NHS: variants seen among roughly 807,000 people sequenced by gnomAD.
NHS encodes NHS actin remodeling regulator.
In NHS, 5 loss-of-function variants were observed where a neutral mutation model predicts 72.5. The ratio of observed to expected loss-of-function variants is 0.07; its 90% CI spans 0.04 to 0.14. NHS has a LOEUF of 0.14. Ranked by LOEUF, NHS falls within the 10% of genes least tolerant of loss-of-function variation. The pLI, the probability that NHS is intolerant of heterozygous loss-of-function variation, is 1.00. For synonymous variants in NHS, 464 were observed against 547.7 expected (o/e 0.85, Z 2.13); for missense variants, 1,072 against 1,355.7 (o/e 0.79, Z 3.29).
intron 1 of NHS, among the ~76,000 whole-genome samples, chrX:17,467,561 A>G (rs2064875736): frequency 8.9e-6 from 1 of 112,228 alleles, no homozygotes; most frequent in Non-Finnish European, 1.9e-5. Flanking sequence ...AATTTTGCCA[A>G]TTATAATTGA....
chrX:17,485,249 G>A (rs1375324746), intron 1 of NHS, among the ~76,000 whole-genome samples: 1 of 112,211 alleles, frequency 8.9e-6, no homozygotes, highest in East Asian at 2.8e-4. Flanking sequence ...TACAAACTAA[G>A]CGAGTATTAG....
intron 1 of NHS, among the ~76,000 whole-genome samples, chrX:17,408,319 A>C (rs891047515): frequency 1.8e-5 from 2 of 111,523 alleles, no homozygotes; most frequent in Non-Finnish European, 3.8e-5. Context: ...CAGTATATGC[A>C]CCTCTATAAA....
intron 1 of NHS, among the ~76,000 whole-genome samples, chrX:17,514,970 C>T (rs1222091379): frequency 8.9e-6 from 1 of 111,752 alleles, no homozygotes; most frequent in Non-Finnish European, 1.9e-5. Context: ...TGATCACTGA[C>T]TCCTTGAAAG....
rs773347582 is a variant in NHS, at chrX:17,726,788, C to T, written c.2682C>T (p.Phe894=). The change falls in exon 7 of 9, where the codon TTC becomes TTT. Residue 894 remains phenylalanine, a synonymous_variant. Transcript: ENST00000676302. The part of the protein sequence containing the change: ...SSREMKLPLD[F]ANTPSRMENA... ...GGGAAATGAAGCTGCCTCTTGATTT[C>T]GCCAACACGCCTTCTCGAATGGAAA... 28 of 1,210,227 alleles carry T rather than the reference C, an allele frequency of 2.3e-5. No individual in the cohort carries two copies. Among genetic ancestry groups the T allele is most frequent in the Admixed American group, 2.2e-4 (10 of 45,804 alleles).
intron 1 of NHS, among the ~76,000 whole-genome samples, chrX:17,505,561 C>T (rs2065053438): frequency 9.0e-6 from 1 of 110,879 alleles, no homozygotes; most frequent in Non-Finnish European, 1.9e-5. Context: ...TTGTGATTTA[C>T]TTTACAGAAT....
Position 17,727,317 on chromosome X carries a change from G to A in NHS, c.3211G>A (p.Gly1071Arg). The A allele has an allele frequency of 4.1e-6, 5 of 1,211,498 alleles. No homozygotes were observed. The highest frequency in any genetic ancestry group is 5.6e-6 in the Non-Finnish European group (5 of 895,189). ...SSLQQPSLKD[G>R]TISLSKDLEL... ...ACTACAGCAACCCTCTTTAAAAGAT[G>A]GAACTATATCACTGAGTAAAGACCT... Residue 1071 changes from glycine (G) to arginine (R), a missense_variant, in exon 7 of 9, where the codon GGA becomes AGA. Transcript: ENST00000676302.
chrX:17,688,391 CT>C (rs1234887314), intron 2 of NHS, among the ~76,000 whole-genome samples: 1 of 112,117 alleles, frequency 8.9e-6, no homozygotes, highest in African/African-American at 3.2e-5. Context: ...GGTTTTTCCC[CT>C]ATAAGAGATT....
chrX:17,474,758 G>A (rs1271492112), intron 1 of NHS, among the ~76,000 whole-genome samples: 1 of 111,820 alleles, frequency 8.9e-6, no homozygotes, highest in African/African-American at 3.3e-5. Context: ...GGAAAAAGCT[G>A]TGAGCCCTCA....
At chrX:17,521,005 G>T (rs984337328) in intron 1 of NHS, among the ~76,000 whole-genome samples, 1 of 111,444 alleles carries the variant, frequency 9.0e-6, no homozygotes, top group African/African-American at 3.3e-5. Flanking sequence ...TGGCTCGCAC[G>T]CACAGTACAG....
intron 1 of NHS, among the ~76,000 whole-genome samples, chrX:17,606,318 C>T (rs746546497): frequency 8.9e-6 from 1 of 111,925 alleles, no homozygotes; most frequent in Non-Finnish European, 1.9e-5. Context: ...GAAGCAGTGA[C>T]CTACAGTGGT....
intron 1 of NHS, among the ~76,000 whole-genome samples, chrX:17,491,818 T>C (rs1474753314): frequency 9.3e-6 from 1 of 107,296 alleles, no homozygotes; most frequent in Non-Finnish European, 1.9e-5. Context: ...AACTTGTTAT[T>C]GTTCTATTCA....
chrX:17,476,051 G>A (rs1024738058), intron 1 of NHS, among the ~76,000 whole-genome samples: 2 of 112,026 alleles, frequency 1.8e-5, no homozygotes, highest in East Asian at 2.8e-4. Flanking sequence ...GGGTGGGTGA[G>A]ACTGGAGACC....
chrX:17,446,354 G>A (rs1451041293), intron 1 of NHS, among the ~76,000 whole-genome samples: 1 of 111,147 alleles, frequency 9.0e-6, no homozygotes, highest in Non-Finnish European at 1.9e-5. Flanking sequence ...TGACCCGCAC[G>A]TATACATCCA....
chrX:17,466,950 T>A (rs909034569), intron 1 of NHS, among the ~76,000 whole-genome samples: 1 of 111,913 alleles, frequency 8.9e-6, no homozygotes, highest in Non-Finnish European at 1.9e-5. Flanking sequence ...GAGCCTGCTG[T>A]TAATGTACAG....
rs763791928 is a variant in NHS at position 17,525,616 on chromosome X, T to C, written c.565+149294T>C. ...TTGCAGCAATTTACTGTTTTGTTTTTGTTTTCTTTTTTCTTTCTTTTCTTT... is the reference window on the plus strand; with the variant it reads ...TTGCAGCAATTTACTGTTTTGTTTTCGTTTTCTTTTTTCTTTCTTTTCTTT... On this transcript the variant is annotated intron_variant, in intron 1 of 8. Transcript: ENST00000676302. Among the ~76,000 whole-genome samples, 3 of 109,490 alleles carry C rather than the reference T, an allele frequency of 2.7e-5. No individual in the cohort carries two copies. The South Asian group carries it at 1.1e-3, about 42-fold the overall frequency.
intron 1 of NHS, among the ~76,000 whole-genome samples, chrX:17,413,709 G>A (rs920210264): frequency 6.3e-5 from 7 of 111,696 alleles, no homozygotes; most frequent in African/African-American, 2.0e-4. Flanking sequence ...GTCCTCGGGG[G>A]AGCTATCACT....
At chrX:17,517,505 G>A (rs1241257323) in intron 1 of NHS, among the ~76,000 whole-genome samples, 1 of 112,300 alleles carries the variant, frequency 8.9e-6, no homozygotes, top group Non-Finnish European at 1.9e-5. Flanking sequence ...CCTTAGGAAG[G>A]AAAGTGTCAT....
chrX:17,534,196 G>A (rs150199835), intron 1 of NHS, among the ~76,000 whole-genome samples: 9 of 111,984 alleles, frequency 8.0e-5, no homozygotes, highest in African/African-American at 2.9e-4. Context: ...GGCAGCCAGT[G>A]GGTCTTTGGA....
At chrX:17,428,240 G>T (rs1392901503) in intron 1 of NHS, among the ~76,000 whole-genome samples, 1 of 112,405 alleles carries the variant, frequency 8.9e-6, no homozygotes, top group Non-Finnish European at 1.9e-5. Context: ...ATTGATTCAG[G>T]TGAATGTGTT....
Sources: gnomAD v4.1 joint callset for allele counts (sites outside exome capture counted in the v4.1 genomes callset) on GRCh38, gnomAD v4.1.1 for gene constraint, MANE v1.5 for transcripts, NCBI Gene and HGNC (gene_info 2026-07-23, HGNC 2026-07-21) for gene names.